The following SLC25A27 variants were observed in gnomAD, a reference collection of about 807,000 sequenced individuals.
The protein encoded by SLC25A27 is mitochondrial uncoupling protein 4.
A neutral mutation model predicts 49.1 loss-of-function variants in SLC25A27; 35 were observed. The observed-to-expected ratio is 0.71, with a 90% CI of 0.54 to 0.95. The LOEUF (loss-of-function observed/expected upper bound fraction) is 0.95, where lower values mean the gene tolerates loss of function less well. Ranked by LOEUF, SLC25A27 falls within the 40% of genes least tolerant of loss-of-function variation. The probability of loss-of-function intolerance (pLI) is 0.00; values close to 1 mark genes in which losing one functional copy is unlikely to be tolerated. For missense variants in SLC25A27, 339 were observed against 397.1 expected, an observed-to-expected ratio of 0.85 and a Z score of 1.24; for synonymous variants, 144 against 136.9, an observed-to-expected ratio of 1.05 and a Z score of -0.36.
At chr6:46,666,726 AC>A (rs1308213715) in intron 5 of SLC25A27, among the ~76,000 whole-genome samples, 1 of 152,044 alleles carries the variant, frequency 6.6e-6, no homozygotes, top group Non-Finnish European at 1.5e-5. Context: ...CTTTTATCAC[AC>A]CAATTCTTTC....
At chr6:46,660,230 C>CTGTGTGTGTGTGAG (rs1554170743) in intron 3 of SLC25A27, among the ~76,000 whole-genome samples, 2 of 147,310 alleles carry the variant, frequency 1.4e-5, no homozygotes, top group Non-Finnish European at 3.0e-5. Flanking sequence ...ACCTCTGTGT[C>CTGTGTGTGTGTGAG]TGTGTGTGTG....
In SLC25A27 at chr6:46,653,472, A is replaced by C. The variant is rs1359886314; in HGVS notation, c.106+174A>C. On this transcript the variant is annotated intron_variant, in intron 1 of 8. Transcript: ENST00000371347. ...CCCGCGGTGGGAGGAGGAGGGATTG[A>C]GGTCTCCACGGCCTTTTCCTTCTAA... is the stretch of plus-strand genomic sequence containing the variant. 3.0e-6 allele frequency: 3 copies of C among 985,410 alleles called. No homozygotes were observed. The East Asian group carries it at 3.4e-4, about 112-fold the overall frequency. 61.0% of individuals were successfully genotyped at this position (985,410 alleles called of 1,614,324 possible). A position where few individuals can be genotyped will look rare whatever the true frequency, so the allele number is the denominator to read the frequency against.
chr6:46,660,279 T>C (rs1270427343), intron 3 of SLC25A27, among the ~76,000 whole-genome samples: 2 of 105,978 alleles, frequency 1.9e-5, no homozygotes, highest in Non-Finnish European at 3.9e-5. Flanking sequence ...GAAAGCACAA[T>C]AGAAAAATAA....
At position 46,662,370 on chromosome 6, in the gene SLC25A27, A is replaced by C; in HGVS notation, c.384-6A>C. The stretch of plus-strand genomic sequence containing the variant: ...AACTTTAAAAAGAATTTCCTTCTGC[A>C]ATTAGGAAATCAGTCATTGGAGGGA... On this transcript the variant is annotated splice_polypyrimidine_tract_variant and splice_region_variant and intron_variant, in intron 3 of 8. Transcript: ENST00000371347. The C allele has an allele frequency of 6.2e-7, 1 of 1,611,836 alleles. No individual in the cohort carries two copies. Among genetic ancestry groups the C allele is most frequent in the East Asian group, 2.2e-5 (1 of 44,864 alleles).
chr6:46,672,541 G>C (rs1763594921), intron 8 of SLC25A27, among the ~76,000 whole-genome samples: 1 of 152,026 alleles, frequency 6.6e-6, no homozygotes. Context: ...GAGGTAGAAA[G>C]GGAATAGAAA....
chr6:46,669,060 T>C (rs1763424031), intron 6 of SLC25A27, among the ~76,000 whole-genome samples: 1 of 152,200 alleles, frequency 6.6e-6, no homozygotes, highest in African/African-American at 2.4e-5. Context: ...GATGATGGAC[T>C]CTCCAACTCA....
chr6:46,662,863 T>G (rs1763205431), intron 4 of SLC25A27, among the ~76,000 whole-genome samples: 1 of 152,212 alleles, frequency 6.6e-6, no homozygotes, highest in African/African-American at 2.4e-5. Context: ...TTCTGGTCTC[T>G]TGGGTTTTCA....
chr6:46,673,772 A>G (rs768425754), intron 8 of SLC25A27, among the ~76,000 whole-genome samples: 2 of 152,186 alleles, frequency 1.3e-5, no homozygotes, highest in South Asian at 2.1e-4. Flanking sequence ...GATGAACTCT[A>G]TGGAGCACTT....
intron 3 of SLC25A27, among the ~76,000 whole-genome samples, chr6:46,661,171 AATATG>A: frequency 6.6e-6 from 1 of 152,224 alleles, no homozygotes; most frequent in East Asian, 1.9e-4. Context: ...AAAGAGAAAA[AATATG>A]ATAATGTATG....
chr6:46,660,487 A>G (rs1467588054), intron 3 of SLC25A27, among the ~76,000 whole-genome samples: 1 of 152,184 alleles, frequency 6.6e-6, no homozygotes, highest in Non-Finnish European at 1.5e-5. Context: ...TGTGATTATA[A>G]TCATTTATAA....
chr6:46,660,567 T>C (rs1313649071), intron 3 of SLC25A27, among the ~76,000 whole-genome samples: 1 of 152,162 alleles, frequency 6.6e-6, no homozygotes, highest in Non-Finnish European at 1.5e-5. Context: ...TAGAAAATTA[T>C]TTTTTTAATT....
intron 8 of SLC25A27, among the ~76,000 whole-genome samples, chr6:46,672,588 G>A (rs1185491343): frequency 1.3e-5 from 2 of 152,122 alleles, no homozygotes; most frequent in Non-Finnish European, 2.9e-5. Context: ...AATGGTTGGA[G>A]AAGATAAGGA....
intron 1 of SLC25A27, chr6:46,654,126 T>A: frequency 3.0e-6 from 3 of 985,352 alleles, no homozygotes; most frequent in Non-Finnish European, 3.6e-6. Context: ...TAGCGTTTAT[T>A]CCAAGGATTT....
At chr6:46,667,408 G>A (rs1240113219) in intron 5 of SLC25A27, among the ~76,000 whole-genome samples, 1 of 152,138 alleles carries the variant, frequency 6.6e-6, no homozygotes. Flanking sequence ...GTTCCAGTAA[G>A]AACTCGATAG....
chr6:46,667,393 AT>A (rs765666630), intron 5 of SLC25A27, among the ~76,000 whole-genome samples: 1 of 152,162 alleles, frequency 6.6e-6, no homozygotes, highest in Non-Finnish European at 1.5e-5. Context: ...ATTGAGTTCT[AT>A]TAAGTTCCAG....
chr6:46,665,936 G>A (rs1363843394), intron 5 of SLC25A27, among the ~76,000 whole-genome samples: 1 of 152,166 alleles, frequency 6.6e-6, no homozygotes, highest in Non-Finnish European at 1.5e-5. Context: ...AAATAAAGTG[G>A]AAATTTTGGA....
In SLC25A27 at chr6:46,668,784, GT is replaced by G; in HGVS notation, c.698del (p.Leu233TyrfsTer9). The G allele has an allele frequency of 6.3e-7, 1 of 1,579,338 alleles. No individual in the cohort carries two copies. The highest frequency in any genetic ancestry group is 8.7e-7 in the Non-Finnish European group (1 of 1,150,180). On this transcript the variant is annotated frameshift_variant, in exon 6 of 9. Coordinates refer to ENST00000371347, the MANE Select transcript of SLC25A27 (RefSeq NM_004277.5). LOFTEE classifies it high-confidence loss of function. ...CTTGAGGACAATATCATGACTCACG[GT>G]TTATCAAGGTAAGGATTGTTTTAGT... ...TPLEDNIMTH[G>X]LSSLCSGLVA... is the part of the protein sequence containing the mutation.
In SLC25A27 at chr6:46,676,864, G is replaced by T; in HGVS notation, c.*410G>T. The T allele has an allele frequency of 1.7e-6, 1 of 594,524 alleles. No homozygotes were observed. Among genetic ancestry groups the T allele is most frequent in the Non-Finnish European group, 3.0e-6 (1 of 333,602 alleles). The allele number at this position is 594,524 out of a possible 1,614,324, so 36.8% of individuals were successfully genotyped here. On this transcript the variant is annotated 3_prime_UTR_variant, in exon 9 of 9. Transcript: ENST00000371347. The stretch of plus-strand genomic sequence containing the variant: ...GAATGTGGAAGAACACATACATAGT[G>T]CTTAAGAAATACATTTAACCTGTTA...
At chr6:46,663,486 A>G (rs1348316005) in intron 4 of SLC25A27, among the ~76,000 whole-genome samples, 2 of 152,192 alleles carry the variant, frequency 1.3e-5, no homozygotes, top group Non-Finnish European at 2.9e-5. Context: ...CAAGTAGTTT[A>G]TAGAACCCCA....
Sources: gnomAD v4.1 joint callset for allele counts (sites outside exome capture counted in the v4.1 genomes callset) on GRCh38, gnomAD v4.1.1 for gene constraint, MANE v1.5 for transcripts, NCBI Gene and HGNC (gene_info 2026-07-23, HGNC 2026-07-21) for gene names.